Variants in ZNF385B observed in about 807,000 individuals in gnomAD.
ZNF385B encodes the protein zinc finger protein 385B, also known as zinc finger protein 533.
In ZNF385B, 23 loss-of-function variants were observed where a neutral mutation model predicts 39.2. The observed-to-expected ratio is 0.59, with a 90% confidence interval of 0.42 to 0.83. ZNF385B has a LOEUF of 0.83. Ranked by LOEUF, ZNF385B falls within the 40% of genes least tolerant of loss-of-function variation. The pLI is 0.00. For synonymous variants in ZNF385B, 205 were observed against 222.6 expected, an observed-to-expected ratio of 0.92 and a Z score of 0.70; for missense variants, 552 against 598.9, an observed-to-expected ratio of 0.92 and a Z score of 0.82.
chr2:179,580,641 T>C (rs1686392400), intron 3 of ZNF385B, among the ~76,000 whole-genome samples: 1 of 152,130 alleles, frequency 6.6e-6, no homozygotes, highest in Non-Finnish European at 1.5e-5. Flanking sequence ...AGCACTCTCT[T>C]AACATTGGAG....
At position 179,539,821 on chromosome 2, in the gene ZNF385B, C is replaced by T. The variant is rs546555737; in HGVS notation, c.441+5006G>A. ...TCTTGAACACTATAAACTTTGGTAGCGATTTTCAGTTTGCTGATGTTTCTT... is the reference window on the plus strand; with the variant it reads ...TCTTGAACACTATAAACTTTGGTAGTGATTTTCAGTTTGCTGATGTTTCTT... On this transcript the variant is annotated intron_variant, in intron 4 of 9. Transcript: ENST00000410066. Among the ~76,000 whole-genome samples the T allele has an allele frequency of 1.8e-4, 27 of 152,150 alleles. 1 individual carries two copies. Among genetic ancestry groups the T allele is most frequent in the African/African-American group, 3.6e-4 (15 of 41,506 alleles).
At chr2:179,620,126 T>C (rs1036787823) in intron 3 of ZNF385B, among the ~76,000 whole-genome samples, 6 of 152,190 alleles carry the variant, frequency 3.9e-5, no homozygotes, top group Non-Finnish European at 8.8e-5. Flanking sequence ...AACTTCCTGT[T>C]CTTTGTCTCT....
At chr2:179,705,600 C>G (rs1478389156) in intron 3 of ZNF385B, among the ~76,000 whole-genome samples, 1 of 152,212 alleles carries the variant, frequency 6.6e-6, no homozygotes, top group African/African-American at 2.4e-5. Context: ...AACTTTTGCT[C>G]TTTTCTATTT....
chr2:179,569,255 C>A (rs546131271), intron 3 of ZNF385B, among the ~76,000 whole-genome samples: 1 of 152,244 alleles, frequency 6.6e-6, no homozygotes, highest in East Asian at 1.9e-4. Context: ...AAGGAGGTAT[C>A]AAATTTACAC....
At chr2:179,445,496 C>CACAGTCAAG in intron 8 of ZNF385B, 54 bp downstream of exon 8, 1 of 1,530,496 alleles carries the variant, frequency 6.5e-7, no homozygotes, top group Non-Finnish European at 8.8e-7. Flanking sequence ...TGAGAAGATA[C>CACAGTCAAG]ACAGTCAAGT....
At chr2:179,715,316 G>A (rs1221941077) in intron 3 of ZNF385B, among the ~76,000 whole-genome samples, 1 of 152,128 alleles carries the variant, frequency 6.6e-6, no homozygotes, top group Non-Finnish European at 1.5e-5. Flanking sequence ...GATAATCCCA[G>A]AGTCCATACC....
chr2:179,663,890 A>G (rs2106284802), intron 3 of ZNF385B, among the ~76,000 whole-genome samples: 1 of 152,200 alleles, frequency 6.6e-6, no homozygotes, highest in Non-Finnish European at 1.5e-5. Context: ...TAGCACAAGC[A>G]AATTGTCCAG....
intron 1 of ZNF385B, among the ~76,000 whole-genome samples, chr2:179,853,404 G>C (rs1684335670): frequency 6.6e-6 from 1 of 152,134 alleles, no homozygotes; most frequent in East Asian, 1.9e-4. Flanking sequence ...TAAGTTACTT[G>C]GTCTTCCAAA....
In ZNF385B at chr2:179,761,416, C is replaced by T. The variant is rs116043740; in HGVS notation, c.298+8087G>A. Among the ~76,000 whole-genome samples, 804 of 152,024 alleles carry T rather than the reference C, an allele frequency of 5.3e-3. 6 individuals are homozygous for T. Among genetic ancestry groups the T allele is most frequent in the African/African-American group, 0.019 (777 of 41,466 alleles). On this transcript the variant is annotated intron_variant, in intron 3 of 9. Transcript: ENST00000410066. Reference sequence around the variant, plus strand: ...TGTCTCTCCATTTATTTAGGTCTTCCATTTCTTTTCTCAGCATTTTGTAAT... The same window carrying T: ...TGTCTCTCCATTTATTTAGGTCTTCTATTTCTTTTCTCAGCATTTTGTAAT...
chr2:179,661,037 A>G (rs975906497), intron 3 of ZNF385B, among the ~76,000 whole-genome samples: 2 of 152,154 alleles, frequency 1.3e-5, no homozygotes, highest in Non-Finnish European at 2.9e-5. Context: ...TCATATTTCT[A>G]TATTTCTCTA....
intron 1 of ZNF385B, among the ~76,000 whole-genome samples, chr2:179,831,893 T>C (rs1369663873): frequency 6.6e-6 from 1 of 152,232 alleles, no homozygotes; most frequent in Non-Finnish European, 1.5e-5. Flanking sequence ...CCCTGCTATT[T>C]TTCTGATTCA....
intron 1 of ZNF385B, among the ~76,000 whole-genome samples, chr2:179,839,292 C>T (rs1259882041): frequency 6.6e-6 from 1 of 152,152 alleles, no homozygotes; most frequent in Non-Finnish European, 1.5e-5. Flanking sequence ...AGGACCTTAC[C>T]AGAGAGAACT....
At chr2:179,828,598 A>G (rs910007970) in intron 1 of ZNF385B, among the ~76,000 whole-genome samples, 1 of 152,182 alleles carries the variant, frequency 6.6e-6, no homozygotes, top group African/African-American at 2.4e-5. Context: ...TATTGGAAAA[A>G]AGAATACCAA....
At chr2:179,741,254 G>C (rs1702068620) in intron 3 of ZNF385B, among the ~76,000 whole-genome samples, 1 of 152,060 alleles carries the variant, frequency 6.6e-6, no homozygotes, top group Non-Finnish European at 1.5e-5. Context: ...ATCAACTGCA[G>C]GTTCTCCTAA....
chr2:179,473,799 T>G (rs2105536025), intron 6 of ZNF385B, among the ~76,000 whole-genome samples: 1 of 152,298 alleles, frequency 6.6e-6, no homozygotes, highest in African/African-American at 2.4e-5. Context: ...GTTCCTGTGT[T>G]AGTTTGCTGA....
At position 179,443,411 on chromosome 2, in the gene ZNF385B, A is replaced by T; in HGVS notation, c.1300T>A (p.Ser434Thr). ...MKPLAPAFLS[S>T]PLAAAAAVSS... Reference sequence around the variant, plus strand: ...ACGGCTGCCGCCGCTGCGAGAGGTGAGGACAGGAAGGCTGGGGCCAAAGGC... The same window carrying T: ...ACGGCTGCCGCCGCTGCGAGAGGTGTGGACAGGAAGGCTGGGGCCAAAGGC... The change falls in exon 10 of 10, where the codon TCA becomes ACA. Residue 434 changes from serine to threonine, a missense_variant. By Grantham distance (58) the Ser-to-Thr change is moderately conservative (BLOSUM62 1). Coordinates refer to ENST00000410066, the MANE Select transcript of ZNF385B (RefSeq NM_152520.6). 1.2e-6 allele frequency: 2 copies of T among 1,611,626 alleles called. No homozygotes were observed. Among genetic ancestry groups the T allele is most frequent in the Non-Finnish European group, 1.7e-6 (2 of 1,179,076 alleles).
intron 3 of ZNF385B, among the ~76,000 whole-genome samples, chr2:179,707,814 G>T (rs531173064): frequency 6.6e-6 from 1 of 152,230 alleles, no homozygotes; most frequent in Non-Finnish European, 1.5e-5. Context: ...ACCTGGTAGT[G>T]GCAGGGACAC....
chr2:179,792,048 C>T (rs1158604031), intron 1 of ZNF385B, among the ~76,000 whole-genome samples: 1 of 152,122 alleles, frequency 6.6e-6, no homozygotes, highest in African/African-American at 2.4e-5. Flanking sequence ...AGACATGAGC[C>T]ACCGTGCCCG....
At chr2:179,797,849 T>C (rs1705771268) in intron 1 of ZNF385B, among the ~76,000 whole-genome samples, 1 of 152,178 alleles carries the variant, frequency 6.6e-6, no homozygotes, top group Admixed American at 6.5e-5. Flanking sequence ...AGCTGCTTAG[T>C]GGTCATTACC....
Sources: allele counts gnomAD v4.1 joint callset (sites outside exome capture counted in the v4.1 genomes callset), GRCh38; gene constraint gnomAD v4.1.1; transcripts MANE v1.5; gene names NCBI Gene and HGNC (gene_info 2026-07-23, HGNC 2026-07-21).